Variants in CRPPA observed in about 807,000 individuals in gnomAD.
CRPPA encodes the protein CDP-L-ribitol pyrophosphorylase A.
A neutral mutation model predicts 52.0 loss-of-function variants in CRPPA; 43 were observed. The observed-to-expected ratio is 0.83, with a 90% CI of 0.65 to 1.07. CRPPA has a LOEUF of 1.07. CRPPA is among the 50% of genes least tolerant of loss of function. CRPPA has a pLI of 0.00. For missense variants in CRPPA, 629 were observed against 551.7 expected, an observed-to-expected ratio of 1.14 and a Z score of -1.40; for synonymous variants, 250 against 203.5, an observed-to-expected ratio of 1.23 and a Z score of -1.94.
chr7:16,197,636 T>C (rs574052800), intron 9 of CRPPA, among the ~76,000 whole-genome samples: 115 of 151,794 alleles, frequency 7.6e-4, no homozygotes, highest in Middle Eastern at 3.4e-3. Flanking sequence ...AATTCTTTCA[T>C]CTGAATTTTA....
intron 3 of CRPPA, among the ~76,000 whole-genome samples, chr7:16,366,796 A>T (rs1202781376): frequency 3.4e-5 from 4 of 116,490 alleles, no homozygotes; most frequent in Admixed American, 8.5e-5. Flanking sequence ...GGAGAAAAAT[A>T]AAAAAAAAAA....
intron 5 of CRPPA, among the ~76,000 whole-genome samples, chr7:16,290,966 G>T (rs910873182): frequency 6.6e-6 from 1 of 151,914 alleles, no homozygotes; most frequent in Non-Finnish European, 1.5e-5. Context: ...AGTAGGCAAA[G>T]GACACGAATA....
At chr7:16,363,536 A>AT (rs1182670619) in intron 3 of CRPPA, among the ~76,000 whole-genome samples, 1 of 152,204 alleles carries the variant, frequency 6.6e-6, no homozygotes, top group African/African-American at 2.4e-5. Context: ...AAAAAGCACA[A>AT]TATCTATTTG....
At chr7:16,274,780 T>G (rs1784167617) in intron 6 of CRPPA, among the ~76,000 whole-genome samples, 1 of 152,134 alleles carries the variant, frequency 6.6e-6, no homozygotes, top group Non-Finnish European at 1.5e-5. Flanking sequence ...AAAGAGAAAT[T>G]TAAGTGATCT....
At chr7:16,109,260 G>C (rs982474273) in intron 9 of CRPPA, among the ~76,000 whole-genome samples, 9 of 151,712 alleles carry the variant, frequency 5.9e-5, no homozygotes, top group Non-Finnish European at 1.0e-4. Flanking sequence ...AATACAAAGG[G>C]TAAGAGACTA....
chr7:16,367,352 C>G (rs1786627356), intron 3 of CRPPA, among the ~76,000 whole-genome samples: 1 of 152,072 alleles, frequency 6.6e-6, no homozygotes, highest in Admixed American at 6.6e-5. Context: ...GGGAGGAAGG[C>G]AGGAAAGGAG....
chr7:16,292,490 A>G (rs1015886149), intron 5 of CRPPA, among the ~76,000 whole-genome samples: 3 of 151,958 alleles, frequency 2.0e-5, no homozygotes, highest in Non-Finnish European at 4.4e-5. Flanking sequence ...AAGAATTAGA[A>G]TTCAAGCCAT....
At chr7:16,356,286 T>C (rs911918303) in intron 3 of CRPPA, among the ~76,000 whole-genome samples, 1 of 152,232 alleles carries the variant, frequency 6.6e-6, no homozygotes, top group Non-Finnish European at 1.5e-5. Context: ...CTACCTTCTT[T>C]CTTGGGTAAA....
chr7:16,135,856 C>T (rs545797649), intron 9 of CRPPA, among the ~76,000 whole-genome samples: 1 of 152,134 alleles, frequency 6.6e-6, no homozygotes, highest in African/African-American at 2.4e-5. Context: ...TTTTAACTTG[C>T]ATATGGTAGT....
chr7:16,345,276 A>G (rs925185830), intron 3 of CRPPA, among the ~76,000 whole-genome samples: 1 of 152,202 alleles, frequency 6.6e-6, no homozygotes, highest in Non-Finnish European at 1.5e-5. Flanking sequence ...AATTTGAAGT[A>G]GAAATTAAGA....
At chr7:16,142,236 T>C (rs1475356672) in intron 9 of CRPPA, among the ~76,000 whole-genome samples, 2 of 152,202 alleles carry the variant, frequency 1.3e-5, no homozygotes, top group African/African-American at 4.8e-5. Flanking sequence ...CAGGGCTACA[T>C]GTGCAGGTTT....
chr7:16,277,599 AT>A (rs1784232036), intron 6 of CRPPA, among the ~76,000 whole-genome samples: 1 of 152,178 alleles, frequency 6.6e-6, no homozygotes, highest in South Asian at 2.1e-4. Flanking sequence ...TGGTGGTAAA[AT>A]TATAAAGAGT....
intron 6 of CRPPA, chr7:16,276,859 C>T (rs1199379880): frequency 1.3e-5 from 2 of 152,044 alleles, no homozygotes; most frequent in Non-Finnish European, 2.9e-5. Context: ...CATACTAATT[C>T]AAATTAGATT....
At chr7:16,319,665 C>G (rs1281495649) in intron 3 of CRPPA, among the ~76,000 whole-genome samples, 2 of 152,142 alleles carry the variant, frequency 1.3e-5, no homozygotes, top group Non-Finnish European at 2.9e-5. Context: ...AAAAGCCAAG[C>G]CACGAAGATA....
At chr7:16,278,585 C>T (rs1388393946) in intron 5 of CRPPA, among the ~76,000 whole-genome samples, 5 of 152,182 alleles carry the variant, frequency 3.3e-5, no homozygotes, top group Non-Finnish European at 7.3e-5. Context: ...AACAGATTTC[C>T]ACTTCTTAAA....
At chr7:16,139,293 C>G (rs997911104) in intron 9 of CRPPA, among the ~76,000 whole-genome samples, 21 of 152,082 alleles carry the variant, frequency 1.4e-4, no homozygotes, top group Non-Finnish European at 2.8e-4. Context: ...TTCCTTTGCA[C>G]AGCAGAGGTA....
chr7:16,123,659 C>T (rs1371558383), intron 9 of CRPPA, among the ~76,000 whole-genome samples: 6 of 152,036 alleles, frequency 3.9e-5, no homozygotes, highest in East Asian at 1.9e-4. Flanking sequence ...GCCTAAGAGG[C>T]ATGGGAAGAG....
chr7:16,193,096 G>A (rs933421250), intron 9 of CRPPA, among the ~76,000 whole-genome samples: 1 of 152,064 alleles, frequency 6.6e-6, no homozygotes, highest in Non-Finnish European at 1.5e-5. Context: ...ATGCCTGTTG[G>A]CATTTTAATT....
chr7:16,407,753 T>C (rs901613087), intron 1 of CRPPA, among the ~76,000 whole-genome samples: 2 of 152,148 alleles, frequency 1.3e-5, no homozygotes, highest in Admixed American at 6.5e-5. Flanking sequence ...AGCTACTTTA[T>C]AGGTGATACT....
Sources: allele counts gnomAD v4.1 joint callset (sites outside exome capture counted in the v4.1 genomes callset), GRCh38; gene constraint gnomAD v4.1.1; transcripts MANE v1.5; gene names NCBI Gene and HGNC (gene_info 2026-07-23, HGNC 2026-07-21).